MAOA: variants seen among roughly 807,000 people sequenced by gnomAD.
The protein encoded by MAOA is amine oxidase [flavin-containing] A.
Under a neutral mutation model 42.0 loss-of-function variants are expected in MAOA, and 6 were observed. The observed-to-expected ratio is 0.14, with a 90% CI of 0.08 to 0.28. MAOA has a LOEUF of 0.28. Ranked by LOEUF, MAOA falls within the 10% of genes least tolerant of loss-of-function variation. MAOA has a pLI of 1.00. For missense variants in MAOA, 262 were observed against 422.3 expected (o/e 0.62, Z 3.33); for synonymous variants, 140 against 154.0 (o/e 0.91, Z 0.67).
At chrX:43,674,628 T>G (rs1257750587) in intron 1 of MAOA, among the ~76,000 whole-genome samples, 2 of 111,493 alleles carry the variant, frequency 1.8e-5, no homozygotes, top group Middle Eastern at 4.6e-3. Context: ...AGGAGCTCTT[T>G]TAGGGCAGGC....
chrX:43,738,038 C>T (rs1441466575), intron 10 of MAOA, among the ~76,000 whole-genome samples: 1 of 112,020 alleles, frequency 8.9e-6, no homozygotes, highest in Non-Finnish European at 1.9e-5. Flanking sequence ...ATCAAAATAT[C>T]CCAAAAGATG....
At position 43,734,136 on chromosome X, in the gene MAOA, T is replaced by C. The variant is rs1376743072; in HGVS notation, c.1052+1341T>C. 3.7e-5 allele frequency among the ~76,000 whole-genome samples: 4 copies of C among 106,991 alleles called. No homozygotes were observed. In the East Asian group the frequency reaches 8.7e-4, roughly 23 times the overall value. 92.9% of individuals were successfully genotyped at this position (106,991 alleles called of 115,157 possible). On this transcript the variant is annotated intron_variant, in intron 9 of 14. Coordinates refer to ENST00000338702, the MANE Select transcript of MAOA (RefSeq NM_000240.4). ...CTTCTGCTGTTTTTGGGCTTTCTTTTTTTTTTTTTTTTTTTGGAAGTGGAA... is the reference window on the plus strand; with the variant it reads ...CTTCTGCTGTTTTTGGGCTTTCTTTCTTTTTTTTTTTTTTTGGAAGTGGAA...
At chrX:43,676,817 G>A (rs1385109279) in intron 1 of MAOA, among the ~76,000 whole-genome samples, 1 of 109,549 alleles carries the variant, frequency 9.1e-6, no homozygotes, top group Non-Finnish European at 1.9e-5. Flanking sequence ...GTAGTAATGT[G>A]TACTAAGAAG....
chrX:43,732,826 C>A (rs2033893107), intron 9 of MAOA, 31 bp downstream of exon 9: 1 of 1,025,953 alleles, frequency 9.7e-7, no homozygotes, highest in Non-Finnish European at 1.4e-6. Context: ...CTGCATTTTC[C>A]AAATTGTGTT....
intron 1 of MAOA, among the ~76,000 whole-genome samples, chrX:43,665,509 A>G (rs925477994): frequency 1.8e-5 from 2 of 111,372 alleles, no homozygotes; most frequent in Non-Finnish European, 3.8e-5. Context: ...TTAAGTTTCA[A>G]TGAAAGATTG....
At chrX:43,700,824 C>T (rs183393548) in intron 3 of MAOA, among the ~76,000 whole-genome samples, 11 of 111,374 alleles carry the variant, frequency 9.9e-5, no homozygotes, top group African/African-American at 2.3e-4. Flanking sequence ...TTAAAAATAA[C>T]AAAAAAGGAA....
chrX:43,696,526 G>A (rs1419713931), intron 3 of MAOA, among the ~76,000 whole-genome samples: 6 of 111,252 alleles, frequency 5.4e-5, no homozygotes, highest in Admixed American at 3.8e-4. Context: ...TCAGGAGATC[G>A]AGACCATCCT....
At chrX:43,735,608 T>G (rs1174710550) in intron 9 of MAOA, among the ~76,000 whole-genome samples, 2 of 112,557 alleles carry the variant, frequency 1.8e-5, no homozygotes, top group African/African-American at 6.5e-5. Context: ...GAACTTGAGC[T>G]CCAATGTTGT....
At chrX:43,666,394 T>C (rs1405865665) in intron 1 of MAOA, among the ~76,000 whole-genome samples, 1 of 111,619 alleles carries the variant, frequency 9.0e-6, no homozygotes, top group Non-Finnish European at 1.9e-5. Context: ...GGTTCCTCTC[T>C]TTTTGTCATA....
intron 1 of MAOA, chrX:43,657,800 C>A: frequency 2.2e-6 from 1 of 444,939 alleles, no homozygotes; most frequent in Non-Finnish European, 2.8e-6. Flanking sequence ...TCTGAACATG[C>A]TACAAATTAA....
intron 3 of MAOA, among the ~76,000 whole-genome samples, chrX:43,699,540 A>C (rs2033606223): frequency 9.0e-6 from 1 of 111,458 alleles, no homozygotes; most frequent in Non-Finnish European, 1.9e-5. Context: ...CTCTAAATAA[A>C]AGTAGAGACT....
intron 1 of MAOA, among the ~76,000 whole-genome samples, chrX:43,679,521 A>G (rs2033426269): frequency 9.0e-6 from 1 of 111,015 alleles, no homozygotes; most frequent in Non-Finnish European, 1.9e-5. Context: ...AAGGAAAGGC[A>G]TATGAAATGA....
intron 7 of MAOA, 149 bp downstream of exon 7, chrX:43,731,539 T>A: frequency 1.2e-6 from 1 of 853,751 alleles, no homozygotes; most frequent in Non-Finnish European, 1.7e-6. Flanking sequence ...TTGACCTACC[T>A]TGATCTGTTT....
At chrX:43,683,677 A>C in intron 2 of MAOA, 70 bp downstream of exon 2, 5 of 905,215 alleles carry the variant, frequency 5.5e-6, no homozygotes, top group South Asian at 2.0e-5. Flanking sequence ...ACTGGAAATC[A>C]CAGGGCTAGA....
chrX:43,681,200 A>G (rs1018512260), intron 1 of MAOA, among the ~76,000 whole-genome samples: 2 of 111,532 alleles, frequency 1.8e-5, no homozygotes, highest in Non-Finnish European at 1.9e-5. Flanking sequence ...TTTAGAAACA[A>G]CACTGTAAGT....
chrX:43,673,794 C>A (rs774490816), intron 1 of MAOA, among the ~76,000 whole-genome samples: 1 of 112,222 alleles, frequency 8.9e-6, no homozygotes, highest in Admixed American at 9.4e-5. Context: ...AGTTTGAATG[C>A]ACTGTGGTCT....
chrX:43,722,768 A>G (rs1051171372), intron 5 of MAOA, among the ~76,000 whole-genome samples: 3 of 111,701 alleles, frequency 2.7e-5, no homozygotes, highest in African/African-American at 9.8e-5. Flanking sequence ...GTCCATCCCT[A>G]TGTCCTGAAT....
chrX:43,682,557 A>G (rs960623750), intron 1 of MAOA, among the ~76,000 whole-genome samples: 2 of 112,073 alleles, frequency 1.8e-5, no homozygotes, highest in Admixed American at 1.9e-4. Context: ...TGATATATTA[A>G]TAAGTAAATG....
At chrX:43,669,936 G>A (rs142781162) in intron 1 of MAOA, among the ~76,000 whole-genome samples, 2,649 of 111,706 alleles carry the variant, frequency 0.024, 38 homozygotes, top group Middle Eastern at 0.065. Flanking sequence ...AGAAATACAT[G>A]ATCAACAATA....
Sources: gnomAD v4.1 joint callset for allele counts (sites outside exome capture counted in the v4.1 genomes callset) on GRCh38, gnomAD v4.1.1 for gene constraint, MANE v1.5 for transcripts, NCBI Gene and HGNC (gene_info 2026-07-23, HGNC 2026-07-21) for gene names.